PEX14: variants seen among roughly 807,000 people sequenced by gnomAD.
PEX14 encodes peroxisomal membrane protein PEX14.
Under a neutral mutation model 49.5 loss-of-function variants are expected in PEX14, and 15 were observed. The ratio of observed to expected loss-of-function variants is 0.30; its 90% CI spans 0.20 to 0.47. The LOEUF (loss-of-function observed/expected upper bound fraction) is 0.47, where lower values mean the gene tolerates loss of function less well. Ranked by LOEUF, PEX14 falls within the 20% of genes least tolerant of loss-of-function variation. The pLI, the probability that PEX14 is intolerant of heterozygous loss-of-function variation, is 1.00. For synonymous variants in PEX14, 210 were observed against 212.7 expected (o/e 0.99, Z 0.11); for missense variants, 398 against 494.8 (o/e 0.80, Z 1.86).
chr1:10,505,774 G>A (rs1362693213), intron 2 of PEX14, among the ~76,000 whole-genome samples: 10 of 151,174 alleles, frequency 6.6e-5, no homozygotes, highest in Admixed American at 2.6e-4. Flanking sequence ...TCCGCCTCCC[G>A]GGTTCAAGTG....
intron 2 of PEX14, among the ~76,000 whole-genome samples, chr1:10,535,245 A>G (rs1306300719): frequency 6.6e-6 from 1 of 152,232 alleles, no homozygotes; most frequent in African/African-American, 2.4e-5. Context: ...GGTGGAAAGT[A>G]GACAAGCCAG....
chr1:10,546,364 G>A (rs776883681), intron 3 of PEX14, among the ~76,000 whole-genome samples: 6 of 151,822 alleles, frequency 4.0e-5, no homozygotes, highest in Admixed American at 1.3e-4. Flanking sequence ...TCAGGAGTTT[G>A]AGACCAGCCT....
At chr1:10,552,048 G>A (rs916743422) in intron 3 of PEX14, among the ~76,000 whole-genome samples, 2 of 151,582 alleles carry the variant, frequency 1.3e-5, no homozygotes, top group East Asian at 1.9e-4. Flanking sequence ...AGCTGAGATC[G>A]TGCTGCTGCA....
At chr1:10,526,172 A>G (rs1322608604) in intron 2 of PEX14, among the ~76,000 whole-genome samples, 6 of 144,152 alleles carry the variant, frequency 4.2e-5, no homozygotes, top group South Asian at 2.2e-4. Flanking sequence ...CGCCCGCCTC[A>G]GCCTCCCAAA....
intron 3 of PEX14, among the ~76,000 whole-genome samples, chr1:10,586,628 C>CTTTTTT (rs35743829): frequency 2.3e-4 from 21 of 93,050 alleles, no homozygotes; most frequent in East Asian, 3.2e-4. Flanking sequence ...AGCCGTTTAC[C>CTTTTTT]TTTTTTTTTT....
chr1:10,495,612 C>T lies in PEX14; in HGVS notation c.84+291C>T, dbSNP rs1032855418. On this transcript the variant is annotated intron_variant, in intron 2 of 8. Transcript: ENST00000356607. The surrounding 1 kb of genome is among the most constrained non-coding windows in gnomAD (Gnocchi z 4.2). ...TAGTAATTAGTGAGATTCCTGCGCC[C>T]GTGGGAGGCTGAGGTGGAGTGAGGT... Among the ~76,000 whole-genome samples, 1 of 152,138 alleles carries T rather than the reference C, an allele frequency of 6.6e-6. No individual in the cohort carries two copies. Among genetic ancestry groups the T allele is most frequent in the Non-Finnish European group, 1.5e-5 (1 of 68,034 alleles).
intron 2 of PEX14, 89 bp from the exon 3 acceptor site, chr1:10,536,124 T>G (rs1341463990): frequency 2.4e-6 from 2 of 839,482 alleles, no homozygotes; most frequent in Non-Finnish European, 4.2e-6. Flanking sequence ...CTTGTCTCTG[T>G]GGAGCTGGGA....
chr1:10,574,150 A>G (rs185874855), intron 3 of PEX14, among the ~76,000 whole-genome samples: 3 of 152,332 alleles, frequency 2.0e-5, no homozygotes, highest in Admixed American at 6.5e-5. Flanking sequence ...TGTCCCATCA[A>G]CAGAAAAGTG....
Position 10,630,157 on chromosome 1 carries a change from TC to T in PEX14, c.*172del. On this transcript the variant is annotated 3_prime_UTR_variant, in exon 9 of 9. Transcript: ENST00000356607. This position sits in a 1 kb window ranked among gnomAD's most constrained non-coding sequence, Gnocchi z 4.1. ...GGCAGTGTGGGGAGTCACACTTCTG[TC>T]CACCTGGCCTCCTCTCGCCTGGCCG... 1 of 1,073,326 alleles carries T rather than the reference TC, an allele frequency of 9.3e-7. No homozygotes were observed. The highest frequency in any genetic ancestry group is 2.6e-5 in the Admixed American group (1 of 38,774). The allele number at this position is 1,073,326 out of a possible 1,614,324, so 66.5% of individuals were successfully genotyped here.
chr1:10,532,488 C>G (rs1638678279), intron 2 of PEX14, among the ~76,000 whole-genome samples: 1 of 152,048 alleles, frequency 6.6e-6, no homozygotes, highest in African/African-American at 2.4e-5. Context: ...GAGGTGCACT[C>G]ATTAAGAACT....
At chr1:10,500,231 C>T (rs1000577121) in intron 2 of PEX14, among the ~76,000 whole-genome samples, 24 of 149,286 alleles carry the variant, frequency 1.6e-4, no homozygotes, top group Non-Finnish European at 2.4e-4. Context: ...GGCAAAACCC[C>T]GTCTCTACTT....
chr1:10,547,364 G>A (rs943287093), intron 3 of PEX14, among the ~76,000 whole-genome samples: 1 of 152,164 alleles, frequency 6.6e-6, no homozygotes, highest in Non-Finnish European at 1.5e-5. Flanking sequence ...TTGTCCATGA[G>A]TGCACCTAAT....
intron 4 of PEX14, among the ~76,000 whole-genome samples, chr1:10,604,006 C>T (rs1360193385): frequency 6.6e-6 from 1 of 152,192 alleles, no homozygotes; most frequent in African/African-American, 2.4e-5. Flanking sequence ...GTAACACAAA[C>T]TTATCTGTGG....
chr1:10,621,059 G>A (rs1641575217), intron 5 of PEX14, among the ~76,000 whole-genome samples: 1 of 152,158 alleles, frequency 6.6e-6, no homozygotes, highest in South Asian at 2.1e-4. Context: ...GCACTCACAC[G>A]GAGCTGCCAC....
intron 1 of PEX14, among the ~76,000 whole-genome samples, chr1:10,487,861 ACTTCTGCCTCCTGGGTTCAAGGGATT>A (rs1557806689): frequency 6.6e-6 from 1 of 151,550 alleles, no homozygotes; most frequent in Non-Finnish European, 1.5e-5. Flanking sequence ...GCTTACTGCA[ACTTCTGCCTCCTGGGTTCAAGGGATT>A]CTTCTGCCTC....
intron 1 of PEX14, among the ~76,000 whole-genome samples, chr1:10,482,715 A>T (rs1282705766): frequency 6.6e-6 from 1 of 152,162 alleles, no homozygotes; most frequent in Non-Finnish European, 1.5e-5. Context: ...TACAAGCATG[A>T]GCCACCGTGC....
intron 2 of PEX14, among the ~76,000 whole-genome samples, chr1:10,519,517 C>A (rs1027555533): frequency 1.3e-5 from 2 of 152,170 alleles, no homozygotes; most frequent in African/African-American, 2.4e-5. Context: ...TAATAGGATG[C>A]CTTATTACAA....
chr1:10,589,431 G>A (rs1180241118), intron 3 of PEX14, among the ~76,000 whole-genome samples: 1 of 152,228 alleles, frequency 6.6e-6, no homozygotes, highest in African/African-American at 2.4e-5. Flanking sequence ...TTCTGAGCAA[G>A]TGTAAGTTGA....
At chr1:10,510,612 C>T (rs375905896) in intron 2 of PEX14, among the ~76,000 whole-genome samples, 1 of 152,168 alleles carries the variant, frequency 6.6e-6, no homozygotes, top group Non-Finnish European at 1.5e-5. Context: ...TGTTTCCTGG[C>T]TGTTTGGCAC....
Sources: allele counts gnomAD v4.1 joint callset (sites outside exome capture counted in the v4.1 genomes callset), GRCh38; gene constraint gnomAD v4.1.1; non-coding constraint Gnocchi (gnomAD v3.1); transcripts MANE v1.5; gene names NCBI Gene and HGNC (gene_info 2026-07-23, HGNC 2026-07-21).